The following DMD variants were observed in gnomAD, a reference collection of about 807,000 sequenced individuals.
DMD encodes dystrophin, also known as mutant dystrophin.
Under a neutral mutation model 330.1 loss-of-function variants are expected in DMD, and 63 were observed. The observed-to-expected ratio is 0.19, with a 90% CI of 0.16 to 0.24. DMD has a LOEUF of 0.24. DMD is among the 10% of genes least tolerant of loss of function. DMD has a pLI of 1.00. For missense variants in DMD, 3,344 were observed against 2,684.1 expected (o/e 1.25, Z -5.43); for synonymous variants, 1,223 against 959.8 (o/e 1.27, Z -5.07).
At position 32,759,865 on chromosome X, in the gene DMD, G is replaced by GAAA. The variant is rs1569512123; in HGVS notation, c.649+49627_649+49628insTTT. The stretch of plus-strand genomic sequence containing the variant: ...TCTTGGGGGGGGGGGGGGGGCGGGG[G>GAAA]AAGACCCAGGCAGGCCCATGTGATA... On this transcript the variant is annotated intron_variant, in intron 7 of 78. Coordinates refer to ENST00000357033, the MANE Select transcript of DMD (RefSeq NM_004006.3). Among the ~76,000 whole-genome samples the GAAA allele has an allele frequency of 3.6e-4, 27 of 75,759 alleles. 1 individual carries two copies. Among genetic ancestry groups the GAAA allele is most frequent in the African/African-American group, 1.3e-3 (25 of 18,949 alleles). The allele number at this position is 75,759 out of a possible 115,157, so 65.8% of individuals were successfully genotyped here.
At chrX:32,809,700 C>T (rs2099500902) in intron 6 of DMD, 89 bp from the exon 7 acceptor site, 5 of 758,082 alleles carry the variant, frequency 6.6e-6, no homozygotes, top group East Asian at 3.3e-5. Context: ...GCTTAATTTT[C>T]ATTGACAACC....
At chrX:31,660,702 A>T (rs1456922308) in intron 53 of DMD, among the ~76,000 whole-genome samples, 2 of 111,537 alleles carry the variant, frequency 1.8e-5, no homozygotes, top group African/African-American at 6.5e-5. Context: ...ATAAAAACAA[A>T]ATTTTTAGTA....
chrX:32,001,622 T>A (rs1164673004), intron 44 of DMD, among the ~76,000 whole-genome samples: 1 of 111,337 alleles, frequency 9.0e-6, no homozygotes, highest in East Asian at 2.8e-4. Context: ...GCAAGAAAAG[T>A]GACAGCTTCA....
At chrX:33,078,662 T>G (rs747191034) in intron 1 of DMD, among the ~76,000 whole-genome samples, 1 of 111,725 alleles carries the variant, frequency 9.0e-6, no homozygotes, top group Non-Finnish European at 1.9e-5. Context: ...GCACTCAGAG[T>G]ATTATATCCG....
At position 31,265,792 on chromosome X, in the gene DMD, G is replaced by C. The variant is rs1229761139; in HGVS notation, c.9225-4776C>G. Among the ~76,000 whole-genome samples, 6 of 76,827 alleles carry C rather than the reference G, an allele frequency of 7.8e-5. 1 individual carries two copies. Among genetic ancestry groups the C allele is most frequent in the Non-Finnish European group, 1.0e-4 (4 of 39,767 alleles). The allele number at this position is 76,827 out of a possible 115,157, so 66.7% of individuals were successfully genotyped here. A position where few individuals can be genotyped will look rare whatever the true frequency, so the allele number is the denominator to read the frequency against. On this transcript the variant is annotated intron_variant, in intron 62 of 78. Transcript: ENST00000357033. ...AGGTTGATTGGGGGTGTGGGGGGGG[G>C]GGGGGTGGGTGACAAGGAGAGATGA...
At chrX:32,698,155 T>C (rs1160292904) in intron 8 of DMD, among the ~76,000 whole-genome samples, 157 bp from the exon 9 acceptor site, 1 of 111,115 alleles carries the variant, frequency 9.0e-6, no homozygotes, top group Non-Finnish European at 1.9e-5. Flanking sequence ...ATATTCGAAA[T>C]TGGTATACTC....
At chrX:32,639,185 T>A (rs1489291589) in intron 11 of DMD, among the ~76,000 whole-genome samples, 2 of 112,184 alleles carry the variant, frequency 1.8e-5, no homozygotes, top group Admixed American at 9.5e-5. Context: ...TGAGTCCTTA[T>A]AAAAATGTCA....
At chrX:32,274,441 A>C (rs1438330945) in intron 43 of DMD, among the ~76,000 whole-genome samples, 2 of 112,212 alleles carry the variant, frequency 1.8e-5, no homozygotes, top group African/African-American at 6.5e-5. Context: ...GATTTATAAG[A>C]ATCTGAAAAT....
chrX:31,398,893 G>T (rs183403591), intron 60 of DMD, among the ~76,000 whole-genome samples: 149 of 111,773 alleles, frequency 1.3e-3, no homozygotes, highest in Non-Finnish European at 2.2e-3. Context: ...TCACTCGCTG[G>T]TCCACCCCTC....
intron 7 of DMD, among the ~76,000 whole-genome samples, chrX:32,703,953 T>G (rs2147675307): frequency 8.9e-6 from 1 of 111,749 alleles, no homozygotes; most frequent in Admixed American, 9.6e-5. Flanking sequence ...CTACATAAAA[T>G]GCTCACGGAC....
intron 2 of DMD, among the ~76,000 whole-genome samples, chrX:32,973,698 G>A (rs149187043): frequency 0.011 from 1,198 of 111,777 alleles, 17 homozygotes; most frequent in African/African-American, 0.037. Context: ...TCCCTGCTGT[G>A]TCCTATCTGA....
intron 60 of DMD, among the ~76,000 whole-genome samples, chrX:31,386,721 T>G (rs2060463072): frequency 8.9e-6 from 1 of 112,254 alleles, no homozygotes; most frequent in Non-Finnish European, 1.9e-5. Flanking sequence ...AGTAAAAACA[T>G]GATTTAGAGT....
At chrX:31,909,672 A>AATCCTCC (rs2094523737) in intron 47 of DMD, among the ~76,000 whole-genome samples, 1 of 112,065 alleles carries the variant, frequency 8.9e-6, no homozygotes, top group Admixed American at 9.4e-5. Flanking sequence ...AGTTAGAACT[A>AATCCTCC]ATCCTCCATG....
chrX:32,201,142 T>C (rs954668271), intron 44 of DMD, among the ~76,000 whole-genome samples: 1 of 112,269 alleles, frequency 8.9e-6, no homozygotes, highest in African/African-American at 3.2e-5. Flanking sequence ...GAGCCCTATA[T>C]AAACTATATG....
chrX:31,772,518 G>A (rs1411201029), intron 51 of DMD, among the ~76,000 whole-genome samples: 2 of 112,247 alleles, frequency 1.8e-5, no homozygotes. Flanking sequence ...AAAATGCTCA[G>A]CATAGTGTCT....
At chrX:32,524,524 C>A (rs1005607693) in intron 17 of DMD, among the ~76,000 whole-genome samples, 2 of 111,818 alleles carry the variant, frequency 1.8e-5, no homozygotes, top group Admixed American at 1.9e-4. Flanking sequence ...AGAGGATAAT[C>A]AAAAAACACC....
At chrX:31,762,797 G>GA (rs34158869) in intron 51 of DMD, among the ~76,000 whole-genome samples, 46 of 106,907 alleles carry the variant, frequency 4.3e-4, no homozygotes, top group Non-Finnish European at 6.8e-4. Context: ...GAGTAAACTG[G>GA]AAAAAAAAAA....
intron 41 of DMD, among the ~76,000 whole-genome samples, chrX:32,339,325 T>G (rs974971345): frequency 8.9e-6 from 1 of 112,152 alleles, no homozygotes; most frequent in Non-Finnish European, 1.9e-5. Context: ...AGTCCGTGCT[T>G]GGTCTTAACT....
intron 2 of DMD, among the ~76,000 whole-genome samples, chrX:32,986,925 T>G (rs2092858167): frequency 8.9e-6 from 1 of 112,394 alleles, no homozygotes. Flanking sequence ...ACCTTTCCCT[T>G]TATTTGGAAA....
Sources: allele counts gnomAD v4.1 joint callset (sites outside exome capture counted in the v4.1 genomes callset), GRCh38; gene constraint gnomAD v4.1.1; transcripts MANE v1.5; gene names NCBI Gene and HGNC (gene_info 2026-07-23, HGNC 2026-07-21).